Variants in AGPS observed in about 807,000 individuals in gnomAD.
AGPS encodes alkylglycerone phosphate synthase.
A neutral mutation model predicts 90.7 loss-of-function variants in AGPS; 26 were observed. That is an observed-to-expected ratio of 0.29 (90% CI 0.21 to 0.40). The LOEUF is 0.40. Ranked by LOEUF, AGPS falls within the 10% of genes least tolerant of loss-of-function variation. AGPS has a pLI of 1.00. For synonymous variants in AGPS, 294 were observed against 285.3 expected, an observed-to-expected ratio of 1.03 and a Z score of -0.31; for missense variants, 540 against 816.1, an observed-to-expected ratio of 0.66 and a Z score of 4.12.
chr2:177,537,212 T>G (rs1480483736), intron 19 of AGPS, among the ~76,000 whole-genome samples: 1 of 152,174 alleles, frequency 6.6e-6, no homozygotes, highest in Non-Finnish European at 1.5e-5. Flanking sequence ...TCAGAATTCT[T>G]TTACAGATTA....
chr2:177,523,589 T>C (rs1193305395), intron 18 of AGPS, among the ~76,000 whole-genome samples, 159 bp from the exon 19 acceptor site: 4 of 152,232 alleles, frequency 2.6e-5, no homozygotes, highest in Admixed American at 2.0e-4. Context: ...CTTATTTAAT[T>C]GCTTTTTAAA....
chr2:177,504,276 G>A (rs1330747004), intron 14 of AGPS, among the ~76,000 whole-genome samples: 1 of 150,772 alleles, frequency 6.6e-6, no homozygotes, highest in Non-Finnish European at 1.5e-5. Flanking sequence ...TTACGCACTT[G>A]CCACAGCAGT....
chr2:177,505,605 T>C (rs1284938873), intron 15 of AGPS, 30 bp downstream of exon 15: 2 of 1,567,604 alleles, frequency 1.3e-6, no homozygotes, highest in Non-Finnish European at 1.8e-6. Context: ...CCTTGCCACT[T>C]AATTTATGTT....
At chr2:177,452,221 GTCTCTT>G (rs1464611902) in intron 8 of AGPS, among the ~76,000 whole-genome samples, 1 of 152,096 alleles carries the variant, frequency 6.6e-6, no homozygotes, top group Non-Finnish European at 1.5e-5. Context: ...TGTAATTCAG[GTCTCTT>G]ATATTTTTTA....
chr2:177,513,748 ACCAACGTTTATTAG>A, intron 16 of AGPS, 57 bp from the exon 17 acceptor site: 1 of 1,152,248 alleles, frequency 8.7e-7, no homozygotes, highest in South Asian at 1.3e-5. Flanking sequence ...TGCCAGATTA[ACCAACGTTTATTAG>A]CACTTGTGTA....
intron 13 of AGPS, 86 bp from the exon 14 acceptor site, chr2:177,499,532 C>A: frequency 1.2e-6 from 1 of 866,574 alleles, no homozygotes; most frequent in Non-Finnish European, 1.8e-6. Flanking sequence ...GAGCCCAGAT[C>A]AGAAGGAAAA....
chr2:177,399,357 T>C (rs576715482), intron 1 of AGPS, among the ~76,000 whole-genome samples: 2 of 152,344 alleles, frequency 1.3e-5, no homozygotes, highest in Admixed American at 6.5e-5. Flanking sequence ...GCATAAAGTA[T>C]TAATAGCTCT....
At chr2:177,496,887 C>T (rs977997535) in intron 12 of AGPS, among the ~76,000 whole-genome samples, 6 of 151,996 alleles carry the variant, frequency 3.9e-5, no homozygotes, top group Admixed American at 3.3e-4. Context: ...AAAAAGAAAA[C>T]TTTTTATTTG....
At chr2:177,510,969 A>T (rs1449499560) in intron 16 of AGPS, among the ~76,000 whole-genome samples, 1 of 152,162 alleles carries the variant, frequency 6.6e-6, no homozygotes, top group Non-Finnish European at 1.5e-5. Flanking sequence ...TCCCATCCCT[A>T]CCACAATGGC....
At chr2:177,417,712 G>T (rs1685826669) in intron 1 of AGPS, among the ~76,000 whole-genome samples, 1 of 152,092 alleles carries the variant, frequency 6.6e-6, no homozygotes, top group Non-Finnish European at 1.5e-5. Flanking sequence ...AATTGAACTG[G>T]ATGGGTTCTG....
chr2:177,529,089 T>G (rs1010246423), intron 19 of AGPS, among the ~76,000 whole-genome samples: 1 of 152,034 alleles, frequency 6.6e-6, no homozygotes, highest in Non-Finnish European at 1.5e-5. Flanking sequence ...ACTCCTGACC[T>G]CAGGTGATCC....
At chr2:177,462,862 G>A (rs918755423) in intron 9 of AGPS, among the ~76,000 whole-genome samples, 1 of 152,066 alleles carries the variant, frequency 6.6e-6, no homozygotes. Flanking sequence ...TGGTATCCTC[G>A]AAGGTCCTAG....
At chr2:177,457,384 A>T (rs1687151719) in intron 8 of AGPS, among the ~76,000 whole-genome samples, 1 of 152,188 alleles carries the variant, frequency 6.6e-6, no homozygotes, top group Non-Finnish European at 1.5e-5. Flanking sequence ...CCTTCAAAAA[A>T]TCAGTGAATC....
intron 2 of AGPS, among the ~76,000 whole-genome samples, chr2:177,428,597 A>G (rs568952543): frequency 6.6e-6 from 1 of 152,318 alleles, no homozygotes; most frequent in African/African-American, 2.4e-5. Flanking sequence ...GCTGGATATG[A>G]AATTCTAGGT....
At chr2:177,418,887 C>T (rs895379613) in intron 1 of AGPS, among the ~76,000 whole-genome samples, 3 of 151,654 alleles carry the variant, frequency 2.0e-5, no homozygotes, top group African/African-American at 7.3e-5. Context: ...TCCAAAAGCT[C>T]CGTTCCAAAA....
chr2:177,519,330 A>G (rs1176031666), intron 17 of AGPS, among the ~76,000 whole-genome samples: 1 of 152,128 alleles, frequency 6.6e-6, no homozygotes, highest in Non-Finnish European at 1.5e-5. Context: ...CCATTTAGGT[A>G]TGCCTTTCCA....
intron 16 of AGPS, among the ~76,000 whole-genome samples, chr2:177,512,936 C>G (rs1688918872): frequency 6.6e-6 from 1 of 150,578 alleles, no homozygotes; most frequent in African/African-American, 2.4e-5. Context: ...CTCAACCTCC[C>G]AGGCTCAAGC....
chr2:177,531,046 A>G (rs1464224174), intron 19 of AGPS, among the ~76,000 whole-genome samples: 1 of 152,122 alleles, frequency 6.6e-6, no homozygotes, highest in African/African-American at 2.4e-5. Flanking sequence ...TCCCTATTAT[A>G]ATTATAGGGC....
At chr2:177,506,348 A>T (rs1688711711) in intron 15 of AGPS, among the ~76,000 whole-genome samples, 1 of 151,710 alleles carries the variant, frequency 6.6e-6, no homozygotes, top group Non-Finnish European at 1.5e-5. Context: ...AATTATAAAA[A>T]TTTTTGGAAA....
Sources: gnomAD v4.1 joint callset for allele counts (sites outside exome capture counted in the v4.1 genomes callset) on GRCh38, gnomAD v4.1.1 for gene constraint, MANE v1.5 for transcripts, NCBI Gene and HGNC (gene_info 2026-07-23, HGNC 2026-07-21) for gene names.